CFAP54: variants seen among roughly 807,000 people sequenced by gnomAD.
The protein encoded by CFAP54 is cilia and flagella associated protein 54, also known as cilia- and flagella-associated protein 54.
CFAP54 carries 290 observed loss-of-function variants against 370.4 expected under a neutral mutation model. The ratio of observed to expected loss-of-function variants is 0.78; its 90% CI spans 0.71 to 0.86. The LOEUF (loss-of-function observed/expected upper bound fraction) is 0.86. Ranked by LOEUF, CFAP54 falls within the 40% of genes least tolerant of loss-of-function variation. The pLI is 0.00. For synonymous variants in CFAP54, 1,206 were observed against 1,236.5 expected, an observed-to-expected ratio of 0.98 and a Z score of 0.52; for missense variants, 3,399 against 3,528.7, an observed-to-expected ratio of 0.96 and a Z score of 0.93.
intron 60 of CFAP54, among the ~76,000 whole-genome samples, chr12:96,777,556 T>A (rs1006355960): frequency 6.6e-6 from 1 of 151,948 alleles, no homozygotes; most frequent in Non-Finnish European, 1.5e-5. Context: ...TCCATGTTGG[T>A]CAGGCTGGTC....
chr12:96,644,147 G>A, intron 32 of CFAP54, 31 bp from the exon 33 acceptor site: 1 of 1,398,412 alleles, frequency 7.2e-7, no homozygotes. Flanking sequence ...AAGTTCTTGT[G>A]TAATTTCAAA....
rs758783668 is a variant in CFAP54, at chr12:96,679,708, G to GACAC, written c.5674_5677dup (p.Ser1893ThrfsTer26). 1 of 1,613,182 alleles carries GACAC rather than the reference G, an allele frequency of 6.2e-7. No homozygotes were observed. The highest frequency in any genetic ancestry group is 8.5e-7 in the Non-Finnish European group (1 of 1,179,572). On this transcript the variant is annotated frameshift_variant, in exon 40 of 68. Coordinates refer to ENST00000524981, the MANE Select transcript of CFAP54 (RefSeq NM_001306084.2). LOFTEE classifies it high-confidence loss of function. ...TCCAAATACCATAACAGATCAATCC[G>GACAC]ACACAGCAGAAAGTTGCTTTCATTA...
chr12:96,678,356 T>C (rs1173586311), intron 39 of CFAP54, among the ~76,000 whole-genome samples: 1 of 152,138 alleles, frequency 6.6e-6, no homozygotes, highest in African/African-American at 2.4e-5. Context: ...GTTCAAGTGA[T>C]TTCCCCTGCC....
intron 19 of CFAP54, among the ~76,000 whole-genome samples, chr12:96,574,475 A>G (rs1422300052): frequency 2.0e-5 from 3 of 152,046 alleles, no homozygotes; most frequent in Admixed American, 6.6e-5. Context: ...TAAGAGTCCT[A>G]TTTTGTGCTA....
chr12:96,621,776 G>T (rs1244959577), intron 27 of CFAP54, 55 bp downstream of exon 27: 2 of 1,333,022 alleles, frequency 1.5e-6, no homozygotes, highest in African/African-American at 3.0e-5. Context: ...ATCTTTTAGG[G>T]GTAATGTAGT....
chr12:96,809,761 G>C (rs2111197), intron 63 of CFAP54, among the ~76,000 whole-genome samples: 122,848 of 152,138 alleles, frequency 0.81, 50,226 homozygotes, highest in African/African-American at 0.94. Flanking sequence ...GCAGAAGGAG[G>C]CAGTAGTTTC....
chr12:96,762,261 C>A (rs1488649608), intron 58 of CFAP54, among the ~76,000 whole-genome samples: 12 of 152,106 alleles, frequency 7.9e-5, no homozygotes, highest in Non-Finnish European at 4.4e-5. Context: ...TGTTTTGCGT[C>A]CTGTGACCTT....
chr12:96,864,177 T>TTTATAGCA (rs1959948083), intron 67 of CFAP54, among the ~76,000 whole-genome samples: 1 of 152,212 alleles, frequency 6.6e-6, no homozygotes, highest in South Asian at 2.1e-4. Flanking sequence ...CTGCAAATGC[T>TTTATAGCA]TTATAGCAGA....
intron 58 of CFAP54, among the ~76,000 whole-genome samples, chr12:96,759,734 G>T (rs2136664514): frequency 6.6e-6 from 1 of 152,320 alleles, no homozygotes; most frequent in South Asian, 2.1e-4. Flanking sequence ...TACTAGCTAT[G>T]TGACTGAGGT....
At chr12:96,734,000 A>G (rs1238996903) in intron 50 of CFAP54, among the ~76,000 whole-genome samples, 1 of 152,154 alleles carries the variant, frequency 6.6e-6, no homozygotes, top group African/African-American at 2.4e-5. Flanking sequence ...TGAGGGAGGA[A>G]GAGTGTGGGG....
At chr12:96,861,694 A>T (rs1169220034) in intron 67 of CFAP54, among the ~76,000 whole-genome samples, 1 of 152,216 alleles carries the variant, frequency 6.6e-6, no homozygotes, top group African/African-American at 2.4e-5. Flanking sequence ...CTTCATCTGT[A>T]AAATGGGGAT....
chr12:96,694,819 C>T (rs894025281), intron 45 of CFAP54, among the ~76,000 whole-genome samples: 4 of 151,824 alleles, frequency 2.6e-5, no homozygotes, highest in African/African-American at 4.8e-5. Context: ...GTCAGGAGTT[C>T]GAGACCAGCC....
At chr12:96,829,528 A>G (rs1387992085) in intron 66 of CFAP54, among the ~76,000 whole-genome samples, 3 of 152,028 alleles carry the variant, frequency 2.0e-5, no homozygotes, top group African/African-American at 7.2e-5. Context: ...TGCCTGCATA[A>G]TGGTTTCTTT....
At chr12:96,618,246 T>C (rs1642980) in intron 26 of CFAP54, among the ~76,000 whole-genome samples, 104,058 of 151,446 alleles carry the variant, frequency 0.69, 35,876 homozygotes, top group African/African-American at 0.71. Flanking sequence ...CAACTTCTGC[T>C]AAAACAATCC....
chr12:96,642,046 T>C (rs1956736431), intron 32 of CFAP54, among the ~76,000 whole-genome samples: 1 of 151,944 alleles, frequency 6.6e-6, no homozygotes, highest in Non-Finnish European at 1.5e-5. Flanking sequence ...ACTTGCACGT[T>C]GTGCACATTT....
intron 30 of CFAP54, among the ~76,000 whole-genome samples, chr12:96,628,912 C>T (rs1194904713): frequency 2.9e-5 from 4 of 137,262 alleles, no homozygotes; most frequent in African/African-American, 5.5e-5. Flanking sequence ...CTAGTACTTA[C>T]GAAGAAATAT....
chr12:96,758,973 C>A (rs911197737), intron 58 of CFAP54, among the ~76,000 whole-genome samples: 5 of 151,960 alleles, frequency 3.3e-5, no homozygotes, highest in Non-Finnish European at 5.9e-5. Context: ...GTATATGAAC[C>A]CAGTAATTTT....
At position 96,832,385 on chromosome 12, in the gene CFAP54, G is replaced by A. The variant is rs978711366; in HGVS notation, c.9171+3297G>A. On this transcript the variant is annotated intron_variant, in intron 66 of 67. Transcript: ENST00000524981. The stretch of plus-strand genomic sequence containing the variant: ...TCTGACAGGTCTAGGTTGGAATCTC[G>A]GCCTTGAGTCTTGTTAGTTGTGTGA... 7.7e-4 allele frequency among the ~76,000 whole-genome samples: 117 copies of A among 151,756 alleles called. 1 individual carries two copies. Among genetic ancestry groups the A allele is most frequent in the Admixed American group, 7.3e-3 (111 of 15,230 alleles).
At chr12:96,606,627 C>T (rs1162614735) in intron 26 of CFAP54, among the ~76,000 whole-genome samples, 4 of 152,148 alleles carry the variant, frequency 2.6e-5, no homozygotes, top group South Asian at 2.1e-4. Context: ...CACACATCCC[C>T]GACTTTTCTC....
Sources: allele counts gnomAD v4.1 joint callset (sites outside exome capture counted in the v4.1 genomes callset), GRCh38; gene constraint gnomAD v4.1.1; transcripts MANE v1.5; gene names NCBI Gene and HGNC (gene_info 2026-07-23, HGNC 2026-07-21).